Variants in CCDC146 observed in about 807,000 individuals in gnomAD.
CCDC146 encodes the protein coiled-coil domain-containing protein 146.
In CCDC146, 92 loss-of-function variants were observed where a neutral mutation model predicts 119.3. The observed-to-expected ratio is 0.77, with a 90% CI of 0.65 to 0.92. The LOEUF (loss-of-function observed/expected upper bound fraction) is 0.92. CCDC146 is among the 40% of genes least tolerant of loss of function. CCDC146 has a pLI of 0.00. For synonymous variants in CCDC146, 372 were observed against 371.8 expected, an observed-to-expected ratio of 1.00 and a Z score of -0.01; for missense variants, 1,000 against 1,103.0, an observed-to-expected ratio of 0.91 and a Z score of 1.32.
intron 2 of CCDC146, among the ~76,000 whole-genome samples, chr7:77,226,291 C>G (rs1391954479): frequency 2.6e-5 from 4 of 152,208 alleles, no homozygotes; most frequent in African/African-American, 9.7e-5. Flanking sequence ...AGCATGCCAG[C>G]CATTCCCCAG....
intron 1 of CCDC146, among the ~76,000 whole-genome samples, chr7:77,153,686 A>G (rs1791140313): frequency 6.7e-6 from 1 of 148,212 alleles, no homozygotes; most frequent in Non-Finnish European, 1.5e-5. Flanking sequence ...TACAAAAGGA[A>G]CCCTCACTCA....
chr7:77,274,344 C>T (rs1584135821), intron 10 of CCDC146, 138 bp from the exon 11 acceptor site: 1 of 553,592 alleles, frequency 1.8e-6, no homozygotes, highest in East Asian at 3.1e-5. Context: ...GCTTGAATTA[C>T]AGGCGTGAGC....
chr7:77,277,214 C>T (rs1192896383), intron 11 of CCDC146, among the ~76,000 whole-genome samples: 1 of 152,122 alleles, frequency 6.6e-6, no homozygotes, highest in Non-Finnish European at 1.5e-5. Flanking sequence ...TGAGTCTTTC[C>T]TAGTTAGAAA....
At chr7:77,199,191 C>T in intron 2 of CCDC146, 1 of 1,613,100 alleles carries the variant, frequency 6.2e-7, no homozygotes. Context: ...CTGGACGTGA[C>T]TGTATTTGTT....
At chr7:77,232,029 T>C (rs1001241082) in intron 2 of CCDC146, among the ~76,000 whole-genome samples, 1 of 152,258 alleles carries the variant, frequency 6.6e-6, no homozygotes, top group African/African-American at 2.4e-5. Context: ...TTTATTTGTT[T>C]AGTGACTTGG....
intron 2 of CCDC146, among the ~76,000 whole-genome samples, chr7:77,203,413 A>T (rs1233483429): frequency 2.0e-5 from 3 of 151,572 alleles, no homozygotes; most frequent in African/African-American, 7.3e-5. Flanking sequence ...GTGGTGGCAC[A>T]TCTAGGTATG....
At chr7:77,171,688 C>G (rs1219865179) in intron 2 of CCDC146, among the ~76,000 whole-genome samples, 1 of 152,218 alleles carries the variant, frequency 6.6e-6, no homozygotes, top group Admixed American at 6.5e-5. Context: ...CAGGGCTCTT[C>G]TAAAAAGCAG....
intron 2 of CCDC146, among the ~76,000 whole-genome samples, chr7:77,177,401 G>A (rs1448300119): frequency 6.6e-6 from 1 of 152,130 alleles, no homozygotes; most frequent in African/African-American, 2.4e-5. Flanking sequence ...TTTTCAGAAC[G>A]ATTCTGTAAT....
intron 2 of CCDC146, among the ~76,000 whole-genome samples, chr7:77,197,221 A>C (rs1791891033): frequency 6.6e-6 from 1 of 152,252 alleles, no homozygotes; most frequent in Non-Finnish European, 1.5e-5. Context: ...TGACAGCATC[A>C]ACAGCAAACG....
chr7:77,230,770 A>G (rs778987714), intron 2 of CCDC146, among the ~76,000 whole-genome samples: 1 of 151,984 alleles, frequency 6.6e-6, no homozygotes, highest in Non-Finnish European at 1.5e-5. Context: ...CCCATTTGCA[A>G]AGTTTTTTAT....
At chr7:77,217,562 TAGAGAG>T (rs34086605) in intron 2 of CCDC146, among the ~76,000 whole-genome samples, 7 of 147,292 alleles carry the variant, frequency 4.8e-5, no homozygotes, top group South Asian at 2.1e-4. Context: ...TATATATATA[TAGAGAG>T]AGAGAGAGAG....
intron 2 of CCDC146, chr7:77,197,052 T>C: frequency 1.0e-6 from 1 of 955,146 alleles, no homozygotes; most frequent in Non-Finnish European, 1.6e-6. Flanking sequence ...AAGAATTCTT[T>C]ATATGTACAA....
At chr7:77,209,927 T>C (rs1412786655) in intron 2 of CCDC146, among the ~76,000 whole-genome samples, 1 of 152,194 alleles carries the variant, frequency 6.6e-6, no homozygotes, top group African/African-American at 2.4e-5. Context: ...AGTGGGGCCC[T>C]AGGCCTGGCC....
intron 1 of CCDC146, among the ~76,000 whole-genome samples, chr7:77,135,040 C>A (rs978980836): frequency 6.6e-6 from 1 of 152,288 alleles, no homozygotes; most frequent in Non-Finnish European, 1.5e-5. Context: ...AATATTTATT[C>A]CTTGATTTAA....
At chr7:77,216,365 A>G (rs543265034) in intron 2 of CCDC146, among the ~76,000 whole-genome samples, 2 of 152,106 alleles carry the variant, frequency 1.3e-5, no homozygotes, top group African/African-American at 2.4e-5. Context: ...TGCGCTTCAC[A>G]CTGCCTCTAT....
chr7:77,229,128 C>A (rs1308930631), intron 2 of CCDC146, among the ~76,000 whole-genome samples: 1 of 152,158 alleles, frequency 6.6e-6, no homozygotes, highest in Non-Finnish European at 1.5e-5. Context: ...TGTATGTCTT[C>A]TTTTGAAAAG....
chr7:77,249,132 TCTC>T (rs1401184518), intron 4 of CCDC146, among the ~76,000 whole-genome samples: 1 of 152,212 alleles, frequency 6.6e-6, no homozygotes, highest in African/African-American at 2.4e-5. Context: ...TTCATCTACT[TCTC>T]CTTGCACTTC....
intron 10 of CCDC146, 56 bp from the exon 11 acceptor site, chr7:77,274,426 T>C: frequency 1.7e-6 from 2 of 1,166,724 alleles, no homozygotes; most frequent in Non-Finnish European, 2.4e-6. Context: ...ATACTAGCTT[T>C]ACTGTATTAC....
At chr7:77,259,202 G>A (rs1451211858) in intron 7 of CCDC146, 134 bp downstream of exon 7, 1 of 548,590 alleles carries the variant, frequency 1.8e-6, no homozygotes, top group Non-Finnish European at 3.2e-6. Context: ...GCCCTGTCTA[G>A]GTTGTTTATA....
Sources: gnomAD v4.1 joint callset for allele counts (sites outside exome capture counted in the v4.1 genomes callset) on GRCh38, gnomAD v4.1.1 for gene constraint, MANE v1.5 for transcripts, NCBI Gene and HGNC (gene_info 2026-07-23, HGNC 2026-07-21) for gene names.